Variants in ELAVL2 observed in about 807,000 individuals in gnomAD.
ELAVL2 encodes the protein ELAV-like protein 2.
In ELAVL2, 4 loss-of-function variants were observed where a neutral mutation model predicts 34.6. The observed-to-expected ratio is 0.12, with a 90% confidence interval of 0.06 to 0.26. The LOEUF is 0.26. Among genes scored for constraint, ELAVL2 ranks in the 10% least tolerant of loss-of-function variants. The probability of loss-of-function intolerance (pLI) is 1.00; values close to 1 mark genes in which losing one functional copy is unlikely to be tolerated. For synonymous variants in ELAVL2, 193 were observed against 154.8 expected, an observed-to-expected ratio of 1.25 and a Z score of -1.83; for missense variants, 432 against 442.8, an observed-to-expected ratio of 0.98 and a Z score of 0.22.
the ELAVL2 span, among the ~76,000 whole-genome samples, chr9:23,831,803 A>T: frequency 4.3e-4 from 38 of 89,138 alleles, no homozygotes; most frequent in African/African-American, 1.2e-3. Context: ...AATATTGTTT[A>T]AAAAAAAAAA....
intron 1 of ELAVL2, among the ~76,000 whole-genome samples, chr9:23,806,907 T>A (rs1285667988): frequency 6.6e-6 from 1 of 152,146 alleles, no homozygotes; most frequent in East Asian, 1.9e-4. Flanking sequence ...AACTAAAACT[T>A]GGTTTACTTC....
chr9:23,699,779 C>G (rs1256844990), intron 5 of ELAVL2, among the ~76,000 whole-genome samples: 2 of 144,216 alleles, frequency 1.4e-5, no homozygotes, highest in Non-Finnish European at 3.0e-5. Flanking sequence ...CTAGTCTGAT[C>G]ACCACTACCA....
intron 1 of ELAVL2, among the ~76,000 whole-genome samples, chr9:23,785,542 T>G (rs1011544793): frequency 6.6e-6 from 1 of 152,190 alleles, no homozygotes; most frequent in Non-Finnish European, 1.5e-5. Flanking sequence ...ACTTTAAGGA[T>G]AGTGTGAAAA....
At chr9:23,803,019 C>A (rs912068004) in intron 1 of ELAVL2, among the ~76,000 whole-genome samples, 7 of 152,130 alleles carry the variant, frequency 4.6e-5, no homozygotes, top group African/African-American at 1.7e-4. Context: ...ATCCTCTGAT[C>A]AAGAACTTTG....
intron 3 of ELAVL2, among the ~76,000 whole-genome samples, chr9:23,717,160 C>T (rs1275246535): frequency 2.6e-5 from 4 of 152,146 alleles, no homozygotes; most frequent in South Asian, 4.1e-4. Context: ...CAACAATGTT[C>T]AGAAACCCAA....
chr9:23,833,916 A>G, the ELAVL2 span, among the ~76,000 whole-genome samples: 4 of 151,930 alleles, frequency 2.6e-5, no homozygotes, highest in Non-Finnish European at 5.9e-5. Context: ...ACACATAACT[A>G]ATTATGTCCT....
chr9:23,822,195 A>G (rs549234462), intron 1 of ELAVL2, among the ~76,000 whole-genome samples: 97 of 152,172 alleles, frequency 6.4e-4, no homozygotes, highest in Middle Eastern at 6.8e-3. Context: ...GTATTTATAA[A>G]TATATATAAG....
chr9:23,818,692 A>G (rs2064079492), intron 1 of ELAVL2, among the ~76,000 whole-genome samples: 1 of 152,204 alleles, frequency 6.6e-6, no homozygotes, highest in Non-Finnish European at 1.5e-5. Flanking sequence ...CCAAATAAAC[A>G]TTATGAGTGA....
intron 2 of ELAVL2, among the ~76,000 whole-genome samples, chr9:23,758,484 C>T (rs988714741): frequency 3.3e-5 from 5 of 152,052 alleles, no homozygotes; most frequent in African/African-American, 9.7e-5. Flanking sequence ...TGTCAGTGGT[C>T]CAAATCAAAC....
At chr9:23,821,007 C>T (rs1171981601) in intron 1 of ELAVL2, among the ~76,000 whole-genome samples, 2 of 152,196 alleles carry the variant, frequency 1.3e-5, no homozygotes, top group Non-Finnish European at 2.9e-5. Context: ...CCGCACACAA[C>T]GCGGCCGGTG....
intron 2 of ELAVL2, among the ~76,000 whole-genome samples, chr9:23,731,728 G>C (rs916707420): frequency 6.6e-6 from 1 of 152,070 alleles, no homozygotes; most frequent in African/African-American, 2.4e-5. Context: ...ATCTAGATAA[G>C]AACAGGAAAA....
chr9:23,839,072 C>T, the ELAVL2 span, among the ~76,000 whole-genome samples: 4 of 151,992 alleles, frequency 2.6e-5, no homozygotes, highest in Non-Finnish European at 5.9e-5. Flanking sequence ...AATACCATGA[C>T]CAAGAATCTA....
chr9:23,843,561 G>A, the ELAVL2 span, among the ~76,000 whole-genome samples: 1 of 151,974 alleles, frequency 6.6e-6, no homozygotes, highest in African/African-American at 2.4e-5. Flanking sequence ...TAATACAAAG[G>A]AAAGTGAAAT....
At chr9:23,804,430 T>C (rs1261142178) in intron 1 of ELAVL2, among the ~76,000 whole-genome samples, 2 of 152,166 alleles carry the variant, frequency 1.3e-5, no homozygotes, top group African/African-American at 4.8e-5. Flanking sequence ...TTGAATGCTC[T>C]CTGAACCTTG....
At chr9:23,768,002 C>T (rs2056633714) in intron 1 of ELAVL2, among the ~76,000 whole-genome samples, 1 of 152,136 alleles carries the variant, frequency 6.6e-6, no homozygotes, top group Non-Finnish European at 1.5e-5. Flanking sequence ...TGGTCAACAT[C>T]CTGACCTGGG....
intron 3 of ELAVL2, among the ~76,000 whole-genome samples, chr9:23,710,240 T>C (rs995117091): frequency 1.3e-5 from 2 of 152,216 alleles, no homozygotes; most frequent in Admixed American, 1.3e-4. Flanking sequence ...CATACAAAGA[T>C]GAGTAACACA....
intron 2 of ELAVL2, among the ~76,000 whole-genome samples, chr9:23,737,327 G>C (rs1307684774): frequency 2.0e-5 from 3 of 152,182 alleles, no homozygotes; most frequent in Admixed American, 2.0e-4. Context: ...ATGGATTACA[G>C]AACTTGTGGA....
At chr9:23,821,916 C>G (rs1462418615) in intron 1 of ELAVL2, 4 of 151,146 alleles carry the variant, frequency 2.6e-5, no homozygotes, top group Non-Finnish European at 4.4e-5. Context: ...GAGTTCGCGG[C>G]GCCGCGGCCG....
At chr9:23,810,896 T>C (rs74646487) in intron 1 of ELAVL2, among the ~76,000 whole-genome samples, 1,869 of 152,290 alleles carry the variant, frequency 0.012, 17 homozygotes, top group Non-Finnish European at 0.019. Flanking sequence ...CCATCTTCAA[T>C]TGCCAACTCC....
Sources: gnomAD v4.1 joint callset for allele counts (sites outside exome capture counted in the v4.1 genomes callset) on GRCh38, gnomAD v4.1.1 for gene constraint, MANE v1.5 for transcripts, NCBI Gene and HGNC (gene_info 2026-07-23, HGNC 2026-07-21) for gene names.